PTPRN2: variants seen among roughly 807,000 people sequenced by gnomAD.
PTPRN2 encodes receptor-type tyrosine-protein phosphatase N2.
A neutral mutation model predicts 118.8 loss-of-function variants in PTPRN2; 74 were observed. The observed-to-expected ratio is 0.62, with a 90% CI of 0.52 to 0.76. PTPRN2 has a LOEUF of 0.76. Ranked by LOEUF, PTPRN2 falls within the 30% of genes least tolerant of loss-of-function variation. The pLI is 0.00. For missense variants in PTPRN2, 1,481 were observed against 1,394.4 expected, an observed-to-expected ratio of 1.06 and a Z score of -0.99; for synonymous variants, 641 against 608.0, an observed-to-expected ratio of 1.05 and a Z score of -0.80.
intron 12 of PTPRN2, among the ~76,000 whole-genome samples, chr7:157,889,773 G>A (rs1796690957): frequency 6.6e-6 from 1 of 152,236 alleles, no homozygotes; most frequent in Non-Finnish European, 1.5e-5. Flanking sequence ...TCTGGCCGGA[G>A]GCTACGCTTC....
chr7:158,495,927 G>A (rs1194987317), intron 1 of PTPRN2, among the ~76,000 whole-genome samples: 1 of 151,984 alleles, frequency 6.6e-6, no homozygotes, highest in Non-Finnish European at 1.5e-5. Context: ...GAGGGAGGAG[G>A]AAGGCTCCTC....
chr7:157,756,632 G>A lies in PTPRN2; in HGVS notation c.1789-73695C>T, dbSNP rs56135379. Among the ~76,000 whole-genome samples, 1,391 of 152,200 alleles carry A rather than the reference G, an allele frequency of 9.1e-3. 18 individuals carry two copies. Among genetic ancestry groups the A allele is most frequent in the African/African-American group, 0.031 (1,299 of 41,518 alleles). ...GTGGAGTAGCAGTATCTGCGCCTGC[G>A]CTGCTCTCACTGCGCAATGGAAGCA... On this transcript the variant is annotated intron_variant, in intron 12 of 22. Transcript: ENST00000389418.
intron 15 of PTPRN2, among the ~76,000 whole-genome samples, chr7:157,607,087 A>G (rs1802047467): frequency 6.6e-6 from 1 of 152,248 alleles, no homozygotes; most frequent in Non-Finnish European, 1.5e-5. Flanking sequence ...GAATGATGCA[A>G]AAATCCCAGG....
intron 1 of PTPRN2, among the ~76,000 whole-genome samples, chr7:158,583,322 C>T (rs1045382030): frequency 1.3e-5 from 2 of 152,094 alleles, no homozygotes; most frequent in African/African-American, 2.4e-5. Flanking sequence ...TACCCTGTGT[C>T]GATAGCCCTA....
chr7:158,376,167 C>A (rs989582207), intron 2 of PTPRN2, among the ~76,000 whole-genome samples: 1 of 152,202 alleles, frequency 6.6e-6, no homozygotes, highest in Admixed American at 6.5e-5. Context: ...CCTGCACCTG[C>A]CTATCTGTGT....
intron 2 of PTPRN2, among the ~76,000 whole-genome samples, chr7:158,319,468 A>C (rs1802662917): frequency 1.2e-5 from 1 of 84,030 alleles, no homozygotes; most frequent in African/African-American, 4.8e-5. Flanking sequence ...AGCCTCCCTC[A>C]CACACAAGCA....
intron 1 of PTPRN2, among the ~76,000 whole-genome samples, chr7:158,523,766 A>G (rs199843949): frequency 0.11 from 1,091 of 10,140 alleles, 29 homozygotes; most frequent in East Asian, 0.33. Context: ...GGAGTCGTCT[A>G]CCCTGGAGTG....
intron 2 of PTPRN2, among the ~76,000 whole-genome samples, chr7:158,417,347 T>A (rs1041203225): frequency 6.6e-6 from 1 of 151,112 alleles, no homozygotes; most frequent in Non-Finnish European, 1.5e-5. Flanking sequence ...GCTTTCAGTG[T>A]CCCGCTGTGC....
Position 158,161,225 on chromosome 7 carries a change from A to G in PTPRN2, c.910+5706T>C, listed in dbSNP as rs142251121. Among the ~76,000 whole-genome samples the G allele has an allele frequency of 5.1e-3, 784 of 152,320 alleles. 4 individuals carry two copies. The highest frequency in any genetic ancestry group is 9.2e-3 in the Non-Finnish European group (623 of 68,022). ...TTTTGGATACAAGCAAGTTTATTCT[A>G]AAGTTTATATGTAGAGGCGAGTGAC... On this transcript the variant is annotated intron_variant, in intron 6 of 22. Coordinates refer to ENST00000389418, the MANE Select transcript of PTPRN2 (RefSeq NM_002847.5).
chr7:158,297,130 A>G (rs1800559264), intron 3 of PTPRN2, among the ~76,000 whole-genome samples: 1 of 152,256 alleles, frequency 6.6e-6, no homozygotes, highest in Non-Finnish European at 1.5e-5. Flanking sequence ...CCAGTCCCGG[A>G]GGGACCAGCA....
intron 2 of PTPRN2, among the ~76,000 whole-genome samples, chr7:158,318,382 G>T (rs1802523744): frequency 6.6e-6 from 1 of 152,186 alleles, no homozygotes; most frequent in Non-Finnish European, 1.5e-5. Flanking sequence ...CAACAAGCAG[G>T]AACTGGGCAG....
intron 3 of PTPRN2, among the ~76,000 whole-genome samples, chr7:158,213,155 C>G (rs1284970798): frequency 6.6e-6 from 1 of 150,870 alleles, no homozygotes; most frequent in African/African-American, 2.4e-5. Flanking sequence ...TATTTTTATG[C>G]CCTGTACAAA....
intron 9 of PTPRN2, among the ~76,000 whole-genome samples, chr7:158,125,642 C>A (rs957765106): frequency 1.3e-5 from 2 of 152,158 alleles, no homozygotes; most frequent in African/African-American, 4.8e-5. Context: ...TTTAAGACCA[C>A]AAAGCAAAGA....
Position 158,132,533 on chromosome 7 carries a change from C to A in PTPRN2, c.1556+1144G>T, listed in dbSNP as rs1818436174. On this transcript the variant is annotated intron_variant, in intron 9 of 22. Transcript: ENST00000389418. Reference sequence around the variant, plus strand: ...CACACACATTTACCCAACGTACACTCATATACACACACATGCATACACAGA... The same window carrying A: ...CACACACATTTACCCAACGTACACTAATATACACACACATGCATACACAGA... 2.9e-5 allele frequency among the ~76,000 whole-genome samples: 4 copies of A among 138,284 alleles called. No homozygotes were observed. In the South Asian group the frequency reaches 1.0e-3, roughly 36 times the overall value. The allele number at this position is 138,284 out of a possible 152,430, so 90.7% of individuals were successfully genotyped here.
chr7:158,133,368 C>T (rs1008864804), intron 9 of PTPRN2, among the ~76,000 whole-genome samples: 5 of 152,130 alleles, frequency 3.3e-5, no homozygotes, highest in Non-Finnish European at 4.4e-5. Context: ...CGCAGAGAGG[C>T]GCGGCCTGCA....
In PTPRN2 at chr7:158,317,380, T is replaced by G. The variant is rs766580194; in HGVS notation, c.164-448A>C. On this transcript the variant is annotated intron_variant, in intron 2 of 22. Coordinates refer to ENST00000389418, the MANE Select transcript of PTPRN2 (RefSeq NM_002847.5). ...AGCTACAAGGATCGGCGGAGACGCC[T>G]CTCCCTGGGCTGCGTGGGAGGCAAG... 1.0e-3 allele frequency among the ~76,000 whole-genome samples: 153 copies of G among 152,360 alleles called. 2 individuals are homozygous for G. Among genetic ancestry groups the G allele is most frequent in the Non-Finnish European group, 1.5e-3 (101 of 68,026 alleles).
At chr7:157,833,657 C>A (rs1431155819) in intron 12 of PTPRN2, among the ~76,000 whole-genome samples, 1 of 152,236 alleles carries the variant, frequency 6.6e-6, no homozygotes, top group Non-Finnish European at 1.5e-5. Context: ...CTTGATGGAG[C>A]ATAGTTCCGG....
At chr7:158,305,831 G>A (rs1244236286) in intron 3 of PTPRN2, among the ~76,000 whole-genome samples, 1 of 151,056 alleles carries the variant, frequency 6.6e-6, no homozygotes, top group Non-Finnish European at 1.5e-5. Flanking sequence ...AGAAAGAAAT[G>A]GCTGAATCTC....
chr7:157,652,129 G>T (rs949010134), intron 14 of PTPRN2, among the ~76,000 whole-genome samples: 5 of 152,246 alleles, frequency 3.3e-5, no homozygotes, highest in African/African-American at 1.2e-4. Context: ...AGAAAATGAA[G>T]GCAAAGCAAC....
Sources: allele counts gnomAD v4.1 joint callset (sites outside exome capture counted in the v4.1 genomes callset), GRCh38; gene constraint gnomAD v4.1.1; transcripts MANE v1.5; gene names NCBI Gene and HGNC (gene_info 2026-07-23, HGNC 2026-07-21).